The following KNTC1 variants were observed in gnomAD, a reference collection of about 807,000 sequenced individuals.
KNTC1 encodes kinetochore associated 1, also known as kinetochore-associated protein 1.
Under a neutral mutation model 314.4 loss-of-function variants are expected in KNTC1, and 253 were observed. That is an observed-to-expected ratio of 0.80 (90% CI 0.73 to 0.89). KNTC1 has a LOEUF of 0.89. Among genes scored for constraint, KNTC1 ranks in the 40% least tolerant of loss-of-function variants. The probability of loss-of-function intolerance (pLI) is 0.00; values close to 1 mark genes in which losing one functional copy is unlikely to be tolerated. For synonymous variants in KNTC1, 901 were observed against 901.4 expected, an observed-to-expected ratio of 1.00 and a Z score of 0.01; for missense variants, 2,475 against 2,572.9, an observed-to-expected ratio of 0.96 and a Z score of 0.82.
chr12:122,597,637 A>G (rs1871238974), intron 43 of KNTC1, 94 bp from the exon 44 acceptor site: 2 of 999,508 alleles, frequency 2.0e-6, no homozygotes, highest in East Asian at 2.4e-5. Context: ...TTAAATTTCA[A>G]CAATGGAAGC....
At chr12:122,554,100 T>C (rs182367350) in intron 16 of KNTC1, among the ~76,000 whole-genome samples, 2,640 of 144,506 alleles carry the variant, frequency 0.018, 98 homozygotes, top group African/African-American at 0.058. Context: ...TATATATATA[T>C]TTGTATTTTT....
chr12:122,529,282 A>G (rs967274165), intron 1 of KNTC1, among the ~76,000 whole-genome samples: 3 of 152,198 alleles, frequency 2.0e-5, no homozygotes. Context: ...CCTTTTATAG[A>G]TATTGAAACA....
At chr12:122,602,535 T>TAAA in intron 45 of KNTC1, 34 bp from the exon 46 acceptor site, 2 of 1,388,400 alleles carry the variant, frequency 1.4e-6, no homozygotes, top group Non-Finnish European at 2.0e-6. Flanking sequence ...ATTGGGTTAC[T>TAAA]CTTACTGGAC....
intron 55 of KNTC1, 94 bp downstream of exon 55, chr12:122,613,855 G>T: frequency 4.5e-6 from 6 of 1,322,060 alleles, no homozygotes; most frequent in East Asian, 5.4e-5. Context: ...TGTTGTTGTT[G>T]TTGGGGACAG....
intron 52 of KNTC1, 73 bp from the exon 53 acceptor site, chr12:122,610,749 G>A (rs1230967839): frequency 2.8e-5 from 27 of 963,784 alleles, no homozygotes; most frequent in Non-Finnish European, 4.4e-5. Flanking sequence ...TCCATGGATA[G>A]AAAGATAAGT....
chr12:122,585,891 G>A, intron 37 of KNTC1, 117 bp downstream of exon 37: 5 of 884,216 alleles, frequency 5.7e-6, no homozygotes, highest in African/African-American at 3.3e-5. Flanking sequence ...TAAGCGTAAT[G>A]TGGAGCTAAA....
At chr12:122,597,259 T>C (rs1871189583) in intron 43 of KNTC1, 1 of 146,456 alleles carries the variant, frequency 6.8e-6, no homozygotes, top group African/African-American at 2.6e-5. Context: ...TTTTTTTTTT[T>C]TTTTTTTGAG....
intron 8 of KNTC1, among the ~76,000 whole-genome samples, chr12:122,544,838 C>T (rs1266484754): frequency 1.3e-5 from 2 of 152,180 alleles, no homozygotes; most frequent in African/African-American, 4.8e-5. Flanking sequence ...TCCGTTGAAT[C>T]TTGAAATAAT....
chr12:122,590,617 G>T lies in KNTC1; in HGVS notation c.4010G>T (p.Cys1337Phe). ...ATTLLHKVFNCRLVDLDLALG... is the reference protein window; with the variant it reads ...ATTLLHKVFNFRLVDLDLALG... ...GGTTTCTTCCTGTAGGTATTTAATTGTCGCTTGGTAGATCTTGACCTGGCG... is the reference window on the plus strand; with the variant it reads ...GGTTTCTTCCTGTAGGTATTTAATTTTCGCTTGGTAGATCTTGACCTGGCG... The change falls in exon 41 of 64, where the codon TGT (cysteine) becomes TTT (phenylalanine). Residue 1337 changes from cysteine to phenylalanine, a missense_variant. Cys to Phe is a radical substitution (Grantham distance 205). Coordinates refer to ENST00000333479, the MANE Select transcript of KNTC1 (RefSeq NM_014708.6). The T allele has an allele frequency of 6.2e-7, 1 of 1,611,552 alleles. No individual in the cohort carries two copies. Among genetic ancestry groups the T allele is most frequent in the South Asian group, 1.1e-5 (1 of 90,606 alleles).
At chr12:122,621,720 T>C (rs772205541) in intron 60 of KNTC1, among the ~76,000 whole-genome samples, 161 bp from the exon 61 acceptor site, 4 of 152,206 alleles carry the variant, frequency 2.6e-5, no homozygotes, top group Non-Finnish European at 4.4e-5. Flanking sequence ...TTTTCCCCTC[T>C]TTTCATCATT....
intron 38 of KNTC1, 106 bp from the exon 39 acceptor site, chr12:122,587,605 T>C: frequency 1.2e-6 from 1 of 834,338 alleles, no homozygotes; most frequent in East Asian, 2.7e-5. Flanking sequence ...ACTCCATGAC[T>C]ATTATCTGTA....
intron 57 of KNTC1, 121 bp downstream of exon 57, chr12:122,615,647 T>A: frequency 1.1e-6 from 1 of 933,252 alleles, no homozygotes. Context: ...CTGAGCCAAG[T>A]ACAGTGGCTC....
intron 2 of KNTC1, among the ~76,000 whole-genome samples, chr12:122,530,634 A>G (rs1014786768): frequency 6.6e-6 from 1 of 151,854 alleles, no homozygotes; most frequent in Non-Finnish European, 1.5e-5. Flanking sequence ...GTATTTTTGT[A>G]AAGATGGGGT....
intron 12 of KNTC1, 117 bp from the exon 13 acceptor site, chr12:122,549,649 A>G: frequency 1.6e-6 from 1 of 635,378 alleles, no homozygotes; most frequent in Non-Finnish European, 2.9e-6. Context: ...TATAGGCATG[A>G]GCCACCACGC....
intron 22 of KNTC1, among the ~76,000 whole-genome samples, chr12:122,570,512 CAA>C (rs572070934): frequency 2.9e-4 from 30 of 102,232 alleles, no homozygotes; most frequent in Non-Finnish European, 2.3e-4. Context: ...AACCCTGTCT[CAA>C]AAAAAAAAAA....
In KNTC1 at chr12:122,580,646, AT is replaced by A; in HGVS notation, c.2961del (p.Phe987LeufsTer26). 1 of 1,572,692 alleles carries A rather than the reference AT, an allele frequency of 6.4e-7. No homozygotes were observed. The highest frequency in any genetic ancestry group is 8.6e-7 in the Non-Finnish European group (1 of 1,157,246). On this transcript the variant is annotated frameshift_variant, in exon 33 of 64. Transcript: ENST00000333479. LOFTEE classifies it high-confidence loss of function. ...ACGAATGTGAAGAAATGTTGAAACT[AT>A]TTAAAGAGGTTGCTAGCTTACAGGT... ...KDECEEMLKL[F>X]KEVASLQENF...
chr12:122,534,767 A>G lies in KNTC1; in HGVS notation c.233A>G (p.Gln78Arg). 6.2e-7 allele frequency: 1 copy of G among 1,612,932 alleles called. No individual in the cohort carries two copies. The highest frequency in any genetic ancestry group is 8.5e-7 in the Non-Finnish European group (1 of 1,179,216). The part of the protein sequence containing the change: ...ILLDSICRSL[Q>R]LHLVFDTEVD... ...CTTGACAGTATTTGTAGATCACTTC[A>G]ATTGCATCTTGTCTTTGGTAAGTAT... Residue 78 changes from glutamine (Q) to arginine (R), a missense_variant, in exon 3 of 64, where the codon CAA (glutamine) becomes CGA (arginine). Transcript: ENST00000333479.
chr12:122,621,878 T>A lies in KNTC1; in HGVS notation c.6280-3T>A. 1 of 1,571,176 alleles carries A rather than the reference T, an allele frequency of 6.4e-7. No individual in the cohort carries two copies. The highest frequency in any genetic ancestry group is 2.3e-5 in the East Asian group (1 of 44,204). ...TATTAATTCTGCTTTGATTTTTCTC[T>A]AGAATTTTCTGGGTTCCTGTGACCC... On this transcript the variant is annotated splice_polypyrimidine_tract_variant and splice_region_variant and intron_variant, in intron 60 of 63. Transcript: ENST00000333479.
intron 20 of KNTC1, among the ~76,000 whole-genome samples, chr12:122,563,925 CT>C (rs1964141396): frequency 6.6e-6 from 1 of 152,126 alleles, no homozygotes; most frequent in African/African-American, 2.4e-5. Flanking sequence ...TTACCTCTTT[CT>C]TTTCTATTTA....
Sources: gnomAD v4.1 joint callset for allele counts (sites outside exome capture counted in the v4.1 genomes callset) on GRCh38, gnomAD v4.1.1 for gene constraint, MANE v1.5 for transcripts, NCBI Gene and HGNC (gene_info 2026-07-23, HGNC 2026-07-21) for gene names.